The following TRIM36 variants were observed in gnomAD, a reference collection of about 807,000 sequenced individuals.
The protein encoded by TRIM36 is E3 ubiquitin-protein ligase TRIM36.
In TRIM36, 42 loss-of-function variants were observed where a neutral mutation model predicts 72.4. The ratio of observed to expected loss-of-function variants is 0.58; its 90% CI spans 0.45 to 0.75. The LOEUF is 0.75. TRIM36 is among the 30% of genes least tolerant of loss of function. The probability of loss-of-function intolerance (pLI) is 0.00; values close to 1 mark genes in which losing one functional copy is unlikely to be tolerated. For synonymous variants in TRIM36, 315 were observed against 282.8 expected, an observed-to-expected ratio of 1.11 and a Z score of -1.14; for missense variants, 913 against 857.1, an observed-to-expected ratio of 1.07 and a Z score of -0.81.
At chr5:115,162,468 A>G (rs1010285833) in intron 2 of TRIM36, among the ~76,000 whole-genome samples, 1 of 152,248 alleles carries the variant, frequency 6.6e-6, no homozygotes, top group Non-Finnish European at 1.5e-5. Context: ...TAAATTCCTG[A>G]AAACAGAAAA....
intron 4 of TRIM36, among the ~76,000 whole-genome samples, chr5:115,143,245 A>C (rs1032844545): frequency 3.3e-5 from 5 of 149,698 alleles, no homozygotes; most frequent in South Asian, 4.2e-4. Context: ...AAAAAAAAAA[A>C]AAAACAAATC....
intron 1 of TRIM36, chr5:115,169,211 A>T: frequency 5.3e-6 from 1 of 188,344 alleles, no homozygotes; most frequent in Non-Finnish European, 1.1e-5. Flanking sequence ...GCGGGGGTCA[A>T]GACGCCTAGA....
chr5:115,159,190 G>T (rs985173392), intron 2 of TRIM36, among the ~76,000 whole-genome samples: 2 of 152,016 alleles, frequency 1.3e-5, no homozygotes, highest in East Asian at 3.8e-4. Context: ...ACAAAGAAAA[G>T]ACTCTATATG....
Position 115,169,882 on chromosome 5 carries a change from G to T in TRIM36, c.-248C>A. On this transcript the variant is annotated 5_prime_UTR_variant, in exon 1 of 10. Transcript: ENST00000513154. ...CCCCGGGAATCCCGCCCAGCTGCCG[G>T]CTGCAGCAGCGGCTCCTGCGGACTG... The T allele has an allele frequency of 7.7e-7, 1 of 1,304,346 alleles. No individual in the cohort carries two copies. Among genetic ancestry groups the T allele is most frequent in the Non-Finnish European group, 9.7e-7 (1 of 1,025,876 alleles). 80.8% of individuals were successfully genotyped at this position (1,304,346 alleles called of 1,614,324 possible).
chr5:115,147,036 A>G, intron 3 of TRIM36, 33 bp downstream of exon 3: 2 of 1,542,772 alleles, frequency 1.3e-6, no homozygotes, highest in South Asian at 1.2e-5. Flanking sequence ...TTAAGTTAAA[A>G]TAACATTCTA....
chr5:115,163,601 C>T lies in TRIM36; in HGVS notation c.179G>A (p.Gly60Glu). 1 of 1,614,166 alleles carries T rather than the reference C, an allele frequency of 6.2e-7. No homozygotes were observed. The highest frequency in any genetic ancestry group is 2.2e-5 in the East Asian group (1 of 44,884). The change falls in exon 2 of 10, where the codon GGA becomes GAA. Residue 60 changes from glycine (G) to glutamate (E), a missense_variant. By Grantham distance (98) the Gly-to-Glu change is moderately conservative. Transcript: ENST00000513154. ...LTLDDSFNDVGSDNSNQSSPR... is the reference protein window; with the variant it reads ...LTLDDSFNDVESDNSNQSSPR... Reference sequence around the variant, plus strand: ...ACTGCTTTGATTGGAGTTGTCTGATCCCACATCGTTGAATGAATCATCGAG... The same window carrying T: ...ACTGCTTTGATTGGAGTTGTCTGATTCCACATCGTTGAATGAATCATCGAG...
rs1481320325 is a variant in TRIM36, at chr5:115,126,437, C to T, written c.*66G>A. On this transcript the variant is annotated 3_prime_UTR_variant, in exon 10 of 10. Transcript: ENST00000513154. ...ACACTCAGCGATATGTAATTAGTTA[C>T]GAAGGTTAACGCTAAGGCATTGCTT... The T allele has an allele frequency of 7.0e-6, 9 of 1,290,034 alleles. No homozygotes were observed. In the East Asian group the frequency reaches 9.6e-5, roughly 14 times the overall value. The allele number at this position is 1,290,034 out of a possible 1,614,324, so 79.9% of individuals were successfully genotyped here. A position where few individuals can be genotyped will look rare whatever the true frequency, so the allele number is the denominator to read the frequency against.
intron 1 of TRIM36, chr5:115,177,529 CT>C: frequency 7.4e-7 from 1 of 1,357,502 alleles, no homozygotes; most frequent in Non-Finnish European, 9.5e-7. Context: ...GCAAGTCAGT[CT>C]CAAAGGTCTG....
intron 1 of TRIM36, chr5:115,177,546 C>T (rs1755391082): frequency 1.4e-6 from 2 of 1,389,900 alleles, no homozygotes; most frequent in African/African-American, 2.9e-5. Flanking sequence ...GTCTGCTATT[C>T]CATGGTTAAT....
chr5:115,146,811 CA>C (rs1409456975), intron 3 of TRIM36, among the ~76,000 whole-genome samples: 3 of 152,170 alleles, frequency 2.0e-5, no homozygotes, highest in Non-Finnish European at 4.4e-5. Flanking sequence ...GTTATCATTA[CA>C]AACATGCATT....
At chr5:115,169,916 A>G (rs1755014274), upstream of TRIM36, 1 of 1,284,352 alleles carries the variant, frequency 7.8e-7, no homozygotes, top group Non-Finnish European at 9.9e-7. Context: ...TGCGGCTGGG[A>G]ACGGCGCCGC....
upstream of TRIM36, among the ~76,000 whole-genome samples, chr5:115,170,157 G>T (rs1419882599): frequency 6.6e-6 from 1 of 151,830 alleles, no homozygotes; most frequent in Non-Finnish European, 1.5e-5. Flanking sequence ...CTCCCACCCG[G>T]GTAGTCGCCC....
upstream of TRIM36, among the ~76,000 whole-genome samples, chr5:115,170,186 G>T (rs565332250): frequency 4.8e-4 from 73 of 151,956 alleles, no homozygotes; most frequent in African/African-American, 1.6e-3. Context: ...ATGCCAGGCT[G>T]GGGGGCTCTG....
Position 115,169,730 on chromosome 5 carries a change from G to C in TRIM36, c.-96C>G. On this transcript the variant is annotated 5_prime_UTR_variant, in exon 1 of 10. Coordinates refer to ENST00000513154, the MANE Select transcript of TRIM36 (RefSeq NM_001300759.2). ...GGCGGGTCCCTGCGGCGGCCGTGGA[G>C]CCTCGGTCCGAAGCTGGAAGATGAG... 1 of 1,473,874 alleles carries C rather than the reference G, an allele frequency of 6.8e-7. No homozygotes were observed. Among genetic ancestry groups the C allele is most frequent in the Non-Finnish European group, 9.0e-7 (1 of 1,108,756 alleles). The allele number at this position is 1,473,874 out of a possible 1,614,324, so 91.3% of individuals were successfully genotyped here.
chr5:115,131,749 C>CTA (rs1162627927), intron 8 of TRIM36, among the ~76,000 whole-genome samples: 9 of 152,100 alleles, frequency 5.9e-5, no homozygotes, highest in Non-Finnish European at 2.9e-5. Flanking sequence ...TCGATACATG[C>CTA]TACAACATGG....
intron 8 of TRIM36, among the ~76,000 whole-genome samples, chr5:115,132,706 T>A (rs1752758086): frequency 6.6e-6 from 1 of 152,136 alleles, no homozygotes; most frequent in Admixed American, 6.6e-5. Flanking sequence ...ATTTAAAGGG[T>A]CACCCTAGTC....
At chr5:115,130,047 G>A (rs181732889) in intron 9 of TRIM36, among the ~76,000 whole-genome samples, 1 of 152,212 alleles carries the variant, frequency 6.6e-6, no homozygotes, top group African/African-American at 2.4e-5. Flanking sequence ...CTGGGATACT[G>A]TTCACATGAG....
Position 115,141,303 on chromosome 5 carries a change from T to C in TRIM36, c.807A>G (p.Leu269=). 1 of 1,602,800 alleles carries C rather than the reference T, an allele frequency of 6.2e-7. No homozygotes were observed. Among genetic ancestry groups the C allele is most frequent in the Non-Finnish European group, 8.5e-7 (1 of 1,176,944 alleles). Residue 269 remains leucine (L), a synonymous_variant, in exon 5 of 10, where the codon CTA becomes CTG. Transcript: ENST00000513154. ...ESQVKSQISE[L]NLLMKETECN... ...CCTCTGTTTCTTTCATTAACAAGTT[T>C]AGTTCAGATATTTGACTCTTCACCT...
chr5:115,159,938 A>T (rs949989875), intron 2 of TRIM36, among the ~76,000 whole-genome samples: 1 of 152,134 alleles, frequency 6.6e-6, no homozygotes, highest in Non-Finnish European at 1.5e-5. Flanking sequence ...TTAAACAATC[A>T]TACTTAAGGT....
Sources: allele counts gnomAD v4.1 joint callset (sites outside exome capture counted in the v4.1 genomes callset), GRCh38; gene constraint gnomAD v4.1.1; transcripts MANE v1.5; gene names NCBI Gene and HGNC (gene_info 2026-07-23, HGNC 2026-07-21).